CNTN5: variants seen among roughly 807,000 people sequenced by gnomAD.
The protein encoded by CNTN5 is contactin-5.
A neutral mutation model predicts 129.1 loss-of-function variants in CNTN5; 77 were observed. The ratio of observed to expected loss-of-function variants is 0.60; its 90% CI spans 0.50 to 0.72. The LOEUF (loss-of-function observed/expected upper bound fraction) is 0.72. Ranked by LOEUF, CNTN5 falls within the 30% of genes least tolerant of loss-of-function variation. CNTN5 has a pLI of 0.00. For synonymous variants in CNTN5, 509 were observed against 465.6 expected, an observed-to-expected ratio of 1.09 and a Z score of -1.20; for missense variants, 1,478 against 1,328.8, an observed-to-expected ratio of 1.11 and a Z score of -1.75.
intron 3 of CNTN5, among the ~76,000 whole-genome samples, chr11:99,720,443 T>G (rs34608615): frequency 0.056 from 8,456 of 152,198 alleles, 571 homozygotes; most frequent in African/African-American, 0.16. Flanking sequence ...GAAAATGCTT[T>G]TGATAAAATT....
intron 2 of CNTN5, among the ~76,000 whole-genome samples, chr11:99,537,514 C>A (rs185340330): frequency 6.6e-6 from 1 of 152,232 alleles, no homozygotes; most frequent in African/African-American, 2.4e-5. Context: ...ATGGTAATTA[C>A]CAAGCAGGGT....
rs1866070800 is a variant in CNTN5 at position 99,333,063 on chromosome 11, CG to C, written c.-71+7582del. Among the ~76,000 whole-genome samples the C allele has an allele frequency of 2.0e-5, 3 of 151,928 alleles. No homozygotes were observed. The South Asian group carries it at 6.2e-4, about 32-fold the overall frequency. On this transcript the variant is annotated intron_variant, in intron 2 of 24. Transcript: ENST00000524871. ...ATAATAAATTGTCCAAAAAACTTCC[CG>C]GGTAGCTTTTAAATTGCACATTGTG...
intron 13 of CNTN5, among the ~76,000 whole-genome samples, chr11:100,105,129 C>A (rs1428715113): frequency 6.6e-6 from 1 of 152,172 alleles, no homozygotes; most frequent in African/African-American, 2.4e-5. Flanking sequence ...ATGTTCGAGG[C>A]TTAACTTATT....
At chr11:100,098,092 A>T (rs12276687) in intron 13 of CNTN5, among the ~76,000 whole-genome samples, 6,638 of 152,118 alleles carry the variant, frequency 0.044, 473 homozygotes, top group African/African-American at 0.15. Context: ...GTTGCATGCA[A>T]ACGTTCTTTC....
chr11:99,704,434 G>A (rs1288827630), intron 3 of CNTN5, among the ~76,000 whole-genome samples: 2 of 150,988 alleles, frequency 1.3e-5, no homozygotes, highest in African/African-American at 4.8e-5. Flanking sequence ...AGATTAGTGT[G>A]GTTCCTAGAT....
intron 1 of CNTN5, among the ~76,000 whole-genome samples, chr11:99,212,431 C>A (rs1289709721): frequency 1.3e-5 from 2 of 152,112 alleles, no homozygotes; most frequent in Non-Finnish European, 2.9e-5. Flanking sequence ...TTTCCACTAT[C>A]GATAATACCT....
intron 3 of CNTN5, among the ~76,000 whole-genome samples, chr11:99,590,389 T>A (rs913526486): frequency 2.6e-5 from 4 of 152,208 alleles, no homozygotes; most frequent in Non-Finnish European, 4.4e-5. Flanking sequence ...ATTAGCTGTA[T>A]GACTTTGTGC....
intron 13 of CNTN5, among the ~76,000 whole-genome samples, chr11:100,166,655 C>A (rs2138386867): frequency 6.6e-6 from 1 of 151,816 alleles, no homozygotes; most frequent in Admixed American, 6.6e-5. Context: ...ACAATTTTGT[C>A]CTCCTACCAT....
chr11:100,098,035 A>G (rs567488538), intron 13 of CNTN5, among the ~76,000 whole-genome samples: 31 of 152,036 alleles, frequency 2.0e-4, no homozygotes, highest in African/African-American at 5.5e-4. Context: ...GCTAGGTAAT[A>G]GGTTAGCTTT....
At chr11:99,371,492 T>G (rs927208648) in intron 2 of CNTN5, among the ~76,000 whole-genome samples, 4 of 152,148 alleles carry the variant, frequency 2.6e-5, no homozygotes, top group Non-Finnish European at 4.4e-5. Context: ...AAAATGTTGT[T>G]ACTGTTCAGT....
intron 20 of CNTN5, among the ~76,000 whole-genome samples, chr11:100,302,089 T>A (rs1565414187): frequency 6.6e-6 from 1 of 151,560 alleles, no homozygotes; most frequent in Non-Finnish European, 1.5e-5. Flanking sequence ...ACATTCTTTG[T>A]AACAATTGTC....
At chr11:100,016,326 T>A (rs1381249043) in intron 9 of CNTN5, among the ~76,000 whole-genome samples, 1 of 152,138 alleles carries the variant, frequency 6.6e-6, no homozygotes, top group African/African-American at 2.4e-5. Context: ...TATCTATCTC[T>A]GTAATAATTT....
intron 2 of CNTN5, among the ~76,000 whole-genome samples, chr11:99,465,788 A>T (rs1285946772): frequency 1.3e-5 from 2 of 151,278 alleles, no homozygotes; most frequent in African/African-American, 4.8e-5. Flanking sequence ...GAGACTTAAA[A>T]TTGTGGTGGA....
intron 1 of CNTN5, among the ~76,000 whole-genome samples, chr11:99,036,614 A>C (rs1863748114): frequency 6.6e-6 from 1 of 152,192 alleles, no homozygotes; most frequent in South Asian, 2.1e-4. Flanking sequence ...TAGGTCATTG[A>C]GAAGGTACAC....
intron 1 of CNTN5, among the ~76,000 whole-genome samples, chr11:99,294,856 T>C (rs1189739605): frequency 2.0e-5 from 3 of 152,184 alleles, no homozygotes; most frequent in Non-Finnish European, 2.9e-5. Context: ...GTTGCTTTTT[T>C]CCCCTCACAT....
intron 3 of CNTN5, among the ~76,000 whole-genome samples, chr11:99,817,304 C>T (rs1327810271): frequency 6.6e-6 from 1 of 152,194 alleles, no homozygotes; most frequent in Non-Finnish European, 1.5e-5. Context: ...GGAATCTTTA[C>T]TGCAACAGAT....
intron 1 of CNTN5, among the ~76,000 whole-genome samples, chr11:99,323,738 T>A (rs555695834): frequency 6.7e-4 from 102 of 152,272 alleles, no homozygotes; most frequent in African/African-American, 2.4e-3. Flanking sequence ...GCTGTTTGCT[T>A]AAGTAACTAT....
At chr11:99,135,634 A>G (rs934974954) in intron 1 of CNTN5, among the ~76,000 whole-genome samples, 2 of 29,994 alleles carry the variant, frequency 6.7e-5, no homozygotes, top group African/African-American at 5.8e-4. Context: ...TGATTGTCAT[A>G]AAGTTTCTTT....
intron 3 of CNTN5, among the ~76,000 whole-genome samples, chr11:99,652,080 A>G (rs1332448638): frequency 6.6e-6 from 1 of 152,050 alleles, no homozygotes; most frequent in Non-Finnish European, 1.5e-5. Flanking sequence ...ATCTCACAAG[A>G]CTAAAATCAA....
Sources: gnomAD v4.1 joint callset for allele counts (sites outside exome capture counted in the v4.1 genomes callset) on GRCh38, gnomAD v4.1.1 for gene constraint, MANE v1.5 for transcripts, NCBI Gene and HGNC (gene_info 2026-07-23, HGNC 2026-07-21) for gene names.